Variants in AP3B1 observed in about 807,000 individuals in gnomAD.
AP3B1 encodes the protein adaptor related protein complex 3 subunit beta 1, also known as AP-3 complex subunit beta-1.
AP3B1 carries 61 observed loss-of-function variants against 132.5 expected under a neutral mutation model. The observed-to-expected ratio is 0.46, with a 90% CI of 0.37 to 0.57. The LOEUF is 0.57. Ranked by LOEUF, AP3B1 falls within the 20% of genes least tolerant of loss-of-function variation. The pLI is 0.00. For synonymous variants in AP3B1, 388 were observed against 438.3 expected, an observed-to-expected ratio of 0.89 and a Z score of 1.43; for missense variants, 1,120 against 1,289.4, an observed-to-expected ratio of 0.87 and a Z score of 2.01.
intron 7 of AP3B1, among the ~76,000 whole-genome samples, chr5:78,203,089 T>G (rs1201764143): frequency 6.6e-6 from 1 of 152,198 alleles, no homozygotes; most frequent in Non-Finnish European, 1.5e-5. Flanking sequence ...AATGAGAAAC[T>G]AGCTGTTGAT....
intron 26 of AP3B1, among the ~76,000 whole-genome samples, chr5:78,008,517 CAG>C (rs1746489745): frequency 6.6e-6 from 1 of 152,120 alleles, no homozygotes; most frequent in Non-Finnish European, 1.5e-5. Flanking sequence ...TCAGGGCCTG[CAG>C]AGTTCAAAGC....
At chr5:78,184,636 C>G (rs1744524157) in intron 7 of AP3B1, among the ~76,000 whole-genome samples, 2 of 149,224 alleles carry the variant, frequency 1.3e-5, no homozygotes, top group Admixed American at 1.3e-4. Flanking sequence ...TGCAGTAAGC[C>G]GAGATTGGCC....
At chr5:78,063,336 C>G (rs1359771790) in intron 22 of AP3B1, among the ~76,000 whole-genome samples, 1 of 152,140 alleles carries the variant, frequency 6.6e-6, no homozygotes, top group Non-Finnish European at 1.5e-5. Flanking sequence ...CTTCAAATAG[C>G]ACTATATATT....
chr5:78,086,981 G>A (rs574827607), intron 22 of AP3B1, among the ~76,000 whole-genome samples: 116 of 152,160 alleles, frequency 7.6e-4, no homozygotes, highest in African/African-American at 2.7e-3. Flanking sequence ...TTGCGTTGCC[G>A]AATAACACAC....
intron 17 of AP3B1, among the ~76,000 whole-genome samples, chr5:78,121,463 A>T (rs1486476981): frequency 3.3e-5 from 5 of 152,190 alleles, no homozygotes; most frequent in African/African-American, 1.2e-4. Context: ...CTAATAAAGA[A>T]GAAAAGAGAG....
At chr5:78,194,766 T>C (rs947539798) in intron 7 of AP3B1, among the ~76,000 whole-genome samples, 2 of 152,176 alleles carry the variant, frequency 1.3e-5, no homozygotes, top group Non-Finnish European at 2.9e-5. Flanking sequence ...TGAAACATAT[T>C]TCTATGACAG....
intron 22 of AP3B1, among the ~76,000 whole-genome samples, chr5:78,080,617 C>A (rs1371691938): frequency 1.4e-5 from 2 of 138,516 alleles, no homozygotes; most frequent in African/African-American, 5.6e-5. Flanking sequence ...ACTGGGTATG[C>A]CTCCAATTTT....
In AP3B1 at chr5:78,271,474, A is replaced by G. The variant is rs141751984; in HGVS notation, c.129-3879T>C. On this transcript the variant is annotated intron_variant, in intron 1 of 26. Coordinates refer to ENST00000255194, the MANE Select transcript of AP3B1 (RefSeq NM_003664.5). The stretch of plus-strand genomic sequence containing the variant: ...AAAAGTCAGAATCATAAATTATCCA[A>G]ATAAATATGAATATTCCTCCTATAC... 1.0e-3 allele frequency among the ~76,000 whole-genome samples: 158 copies of G among 152,308 alleles called. 1 individual carries two copies. The highest frequency in any genetic ancestry group is 3.7e-3 in the African/African-American group (154 of 41,562).
intron 24 of AP3B1, among the ~76,000 whole-genome samples, chr5:78,025,287 A>G (rs1747294317): frequency 6.6e-6 from 1 of 152,172 alleles, no homozygotes; most frequent in Admixed American, 6.5e-5. Context: ...CTTGACAGCA[A>G]TGATGCCAAG....
intron 13 of AP3B1, among the ~76,000 whole-genome samples, chr5:78,161,571 A>G (rs527995712): frequency 6.6e-6 from 1 of 152,138 alleles, no homozygotes; most frequent in South Asian, 2.1e-4. Flanking sequence ...TAAAAGGATT[A>G]GTTATTATTA....
intron 7 of AP3B1, among the ~76,000 whole-genome samples, chr5:78,206,602 C>T (rs1435459685): frequency 6.6e-6 from 1 of 151,968 alleles, no homozygotes; most frequent in East Asian, 1.9e-4. Flanking sequence ...TCACTCAACA[C>T]GTTACTAAGA....
At chr5:78,054,806 G>A (rs934958894) in intron 22 of AP3B1, among the ~76,000 whole-genome samples, 10 of 152,084 alleles carry the variant, frequency 6.6e-5, no homozygotes, top group African/African-American at 2.2e-4. Context: ...GTATGTCTTA[G>A]GAGATGTACA....
At chr5:78,165,725 A>T in intron 11 of AP3B1, 53 bp from the exon 12 acceptor site, 1 of 1,195,096 alleles carries the variant, frequency 8.4e-7, no homozygotes, top group South Asian at 1.3e-5. Flanking sequence ...TAGCAAGATG[A>T]ATTTAATAGA....
rs1300789377 is a variant in AP3B1 at position 78,136,718 on chromosome 5, G to GT, written c.1650+4424_1650+4425insA. Among the ~76,000 whole-genome samples, 1,188 of 128,426 alleles carry GT rather than the reference G, an allele frequency of 9.3e-3. 13 individuals carry two copies. Among genetic ancestry groups the GT allele is most frequent in the African/African-American group, 0.034 (1,088 of 31,590 alleles). The allele number at this position is 128,426 out of a possible 152,430, so 84.3% of individuals were successfully genotyped here. ...TTAACACGTGTAAAATTGTACTTCTGGTTTTTTTTTTTAGGTTCCTTTTTA... is the reference window on the plus strand; with the variant it reads ...TTAACACGTGTAAAATTGTACTTCTGTGTTTTTTTTTTTAGGTTCCTTTTTA... On this transcript the variant is annotated intron_variant, in intron 15 of 26. Transcript: ENST00000255194.
chr5:78,114,151 G>A (rs1405360462), intron 18 of AP3B1, among the ~76,000 whole-genome samples: 1 of 152,202 alleles, frequency 6.6e-6, no homozygotes, highest in African/African-American at 2.4e-5. Context: ...ACAACGAGGA[G>A]AGAAAAGCTA....
At chr5:78,117,809 A>G (rs949765816) in intron 17 of AP3B1, among the ~76,000 whole-genome samples, 2 of 152,196 alleles carry the variant, frequency 1.3e-5, no homozygotes, top group African/African-American at 4.8e-5. Context: ...GTTTGCTTTT[A>G]TAGTCATGGC....
At chr5:78,088,501 T>A (rs1332820625) in intron 22 of AP3B1, among the ~76,000 whole-genome samples, 4 of 152,176 alleles carry the variant, frequency 2.6e-5, no homozygotes, top group Admixed American at 2.6e-4. Flanking sequence ...AGGAGGAATT[T>A]TTTCCATAAT....
intron 22 of AP3B1, among the ~76,000 whole-genome samples, chr5:78,049,949 G>GT (rs1401244104): frequency 3.9e-5 from 6 of 152,136 alleles, no homozygotes; most frequent in Non-Finnish European, 8.8e-5. Flanking sequence ...GTTGTATCAT[G>GT]TTACCCCTCT....
At chr5:78,119,649 A>C (rs1752063580) in intron 17 of AP3B1, among the ~76,000 whole-genome samples, 1 of 152,194 alleles carries the variant, frequency 6.6e-6, no homozygotes, top group Non-Finnish European at 1.5e-5. Flanking sequence ...AAAAAAGAAC[A>C]AAAAGAAACG....
Sources: gnomAD v4.1 joint callset for allele counts (sites outside exome capture counted in the v4.1 genomes callset) on GRCh38, gnomAD v4.1.1 for gene constraint, MANE v1.5 for transcripts, NCBI Gene and HGNC (gene_info 2026-07-23, HGNC 2026-07-21) for gene names.